GOLGA4: variants seen among roughly 807,000 people sequenced by gnomAD.
GOLGA4 encodes the protein golgin A4, also known as golgin subfamily A member 4.
GOLGA4 carries 169 observed loss-of-function variants against 265.9 expected under a neutral mutation model. That is an observed-to-expected ratio of 0.64 (90% CI 0.56 to 0.72). The LOEUF is 0.72. Ranked by LOEUF, GOLGA4 falls within the 30% of genes least tolerant of loss-of-function variation. GOLGA4 has a pLI of 0.00. For missense variants in GOLGA4, 2,482 were observed against 2,483.4 expected (o/e 1.00, Z 0.01); for synonymous variants, 923 against 855.8 (o/e 1.08, Z -1.37).
chr3:37,259,076 A>G (rs1292362218), intron 2 of GOLGA4, among the ~76,000 whole-genome samples: 2 of 152,174 alleles, frequency 1.3e-5, no homozygotes, highest in South Asian at 4.1e-4. Context: ...AATGTTTGGT[A>G]GAATCTACCA....
intron 2 of GOLGA4, among the ~76,000 whole-genome samples, chr3:37,272,570 A>G (rs1202894311): frequency 1.3e-5 from 2 of 152,166 alleles, no homozygotes; most frequent in Non-Finnish European, 2.9e-5. Context: ...TAGCCACAAT[A>G]TTATTTATCA....
chr3:37,347,183 T>A lies in GOLGA4; in HGVS notation c.6473-10T>A. On this transcript the variant is annotated splice_polypyrimidine_tract_variant and intron_variant, in intron 20 of 23. Transcript: ENST00000361924. ...GTCTTTACAGTTTGATCTATTTTTT[T>A]ATTTGGCAGGTGGCAATTTGTACCA... 6.4e-7 allele frequency: 1 copy of A among 1,553,556 alleles called. No homozygotes were observed. The highest frequency in any genetic ancestry group is 8.9e-7 in the Non-Finnish European group (1 of 1,126,348).
intron 2 of GOLGA4, among the ~76,000 whole-genome samples, chr3:37,264,135 C>T (rs562435051): frequency 6.6e-6 from 1 of 152,274 alleles, no homozygotes; most frequent in Non-Finnish European, 1.5e-5. Flanking sequence ...TTTTTCTGTG[C>T]TGGGCATTAG....
chr3:37,275,056 A>C (rs1022657766), intron 2 of GOLGA4, among the ~76,000 whole-genome samples: 1 of 151,672 alleles, frequency 6.6e-6, no homozygotes, highest in Admixed American at 6.6e-5. Context: ...TACTAAAAAT[A>C]CAAAAAAAAA....
At chr3:37,258,297 T>C (rs1265509261) in intron 2 of GOLGA4, among the ~76,000 whole-genome samples, 1 of 149,154 alleles carries the variant, frequency 6.7e-6, no homozygotes, top group African/African-American at 2.5e-5. Flanking sequence ...ATATAGAGCA[T>C]ATATATATAT....
In GOLGA4 at chr3:37,326,119, G is replaced by A. The variant is rs1337516953; in HGVS notation, c.4233G>A (p.Leu1411=). The A allele has an allele frequency of 1.9e-6, 3 of 1,613,576 alleles. No individual in the cohort carries two copies. The African/African-American group carries it at 4.0e-5, about 22-fold the overall frequency. ...ATGATGAAGAAAAATGTGAATTGCT[G>A]GATCAGGTGCAAGATTTATCTTTTA... ...KQYDEEKCEL[L]DQVQDLSFKV... is the part of the protein sequence containing the mutation. The change falls in exon 14 of 24, where the codon CTG becomes CTA. Residue 1411 remains leucine (L), a synonymous_variant. Transcript: ENST00000361924.
intron 2 of GOLGA4, among the ~76,000 whole-genome samples, chr3:37,278,274 A>G (rs2096824994): frequency 6.6e-6 from 1 of 151,364 alleles, no homozygotes; most frequent in East Asian, 1.9e-4. Context: ...ATCTCAGCTC[A>G]CTGCAACCTC....
intron 21 of GOLGA4, among the ~76,000 whole-genome samples, chr3:37,348,529 A>G (rs1351713885): frequency 6.6e-6 from 1 of 152,146 alleles, no homozygotes; most frequent in African/African-American, 2.4e-5. Flanking sequence ...TGGGACATAC[A>G]CTATCTCACC....
At chr3:37,261,021 T>A (rs1163113842) in intron 2 of GOLGA4, among the ~76,000 whole-genome samples, 1 of 148,256 alleles carries the variant, frequency 6.7e-6, no homozygotes, top group African/African-American at 2.5e-5. Flanking sequence ...AAAAAAAAAA[T>A]TAGCCAGGTG....
In GOLGA4 at chr3:37,319,141, A is replaced by C. The variant is rs867556525; in HGVS notation, c.1492A>C (p.Lys498Gln). 1.2e-6 allele frequency: 2 copies of C among 1,612,066 alleles called. No homozygotes were observed. The highest frequency in any genetic ancestry group is 1.3e-5 in the African/African-American group (1 of 74,864). The change falls in exon 12 of 24, where the codon AAG becomes CAG. Residue 498 changes from lysine to glutamine, a missense_variant. Lys to Gln is a moderately conservative substitution (Grantham distance 53). Around this residue, in one of 3 missense-constraint regions of GOLGA4, gnomAD observed 1,536 missense variants for 1,483.7 expected, o/e 1.04. Coordinates refer to ENST00000361924, the MANE Select transcript of GOLGA4 (RefSeq NM_002078.5). ...GGCCAGAAAAGAGCAGGAACTGACC[A>C]AGAAGCTTCAGACCCGAGAAAGGGA... Reference protein sequence around the residue: ...ELARKEQELTKKLQTREREFQ... With the variant: ...ELARKEQELTQKLQTREREFQ...
chr3:37,353,428 A>G (rs2151063672), intron 21 of GOLGA4, among the ~76,000 whole-genome samples: 1 of 152,232 alleles, frequency 6.6e-6, no homozygotes, highest in South Asian at 2.1e-4. Flanking sequence ...CTTGGTTTCT[A>G]GACTTCAGTT....
chr3:37,284,271 T>TC (rs1403689185), intron 3 of GOLGA4, among the ~76,000 whole-genome samples: 1 of 152,180 alleles, frequency 6.6e-6, no homozygotes, highest in East Asian at 1.9e-4. Context: ...ACACCATTTT[T>TC]CTTTTTTTTG....
chr3:37,290,070 T>C (rs1220287808), intron 5 of GOLGA4, among the ~76,000 whole-genome samples: 2 of 152,214 alleles, frequency 1.3e-5, no homozygotes, highest in African/African-American at 4.8e-5. Context: ...AAAGTAAGTT[T>C]AATGTTTTAG....
At chr3:37,276,071 G>A in intron 2 of GOLGA4, 1 of 1,612,474 alleles carries the variant, frequency 6.2e-7, no homozygotes, top group Non-Finnish European at 8.5e-7. Context: ...AGATACTTAT[G>A]TTTCATCCTT....
chr3:37,343,554 C>A (rs2097046170), intron 20 of GOLGA4, among the ~76,000 whole-genome samples: 1 of 152,176 alleles, frequency 6.6e-6, no homozygotes, highest in Non-Finnish European at 1.5e-5. Context: ...CAAACAGTGC[C>A]CATACATTGC....
chr3:37,258,002 TATAC>T lies in GOLGA4; in HGVS notation c.162+6526_162+6529del, dbSNP rs1220495907. On this transcript the variant is annotated intron_variant, in intron 2 of 23. Coordinates refer to ENST00000361924, the MANE Select transcript of GOLGA4 (RefSeq NM_002078.5). ...ATATATATGTATGTATATATGTATA[TATAC>T]ATACATATATATATGTATGTATATA... 2.6e-4 allele frequency among the ~76,000 whole-genome samples: 20 copies of T among 76,854 alleles called. 2 individuals carry two copies. The highest frequency in any genetic ancestry group is 9.7e-4 in the African/African-American group (14 of 14,428). 50.4% of individuals were successfully genotyped at this position (76,854 alleles called of 152,430 possible). A position where few individuals can be genotyped will look rare whatever the true frequency, so the allele number is the denominator to read the frequency against.
intron 23 of GOLGA4, among the ~76,000 whole-genome samples, chr3:37,363,940 C>T (rs558562324): frequency 3.9e-5 from 6 of 152,064 alleles, no homozygotes; most frequent in East Asian, 1.9e-4. Flanking sequence ...GATCAAGCTA[C>T]GGTTTCAAAA....
intron 1 of GOLGA4, chr3:37,249,684 G>A (rs1314346712): frequency 6.6e-6 from 1 of 152,090 alleles, no homozygotes; most frequent in Admixed American, 6.6e-5. Context: ...TGATTTTTCT[G>A]GTTCATCTTT....
chr3:37,260,529 A>G (rs1325746911), intron 2 of GOLGA4, among the ~76,000 whole-genome samples: 1 of 152,036 alleles, frequency 6.6e-6, no homozygotes, highest in Non-Finnish European at 1.5e-5. Flanking sequence ...CCAGCTACTC[A>G]GGAGGCTGAG....
Sources: allele counts gnomAD v4.1 joint callset (sites outside exome capture counted in the v4.1 genomes callset), GRCh38; gene constraint gnomAD v4.1.1; regional missense constraint gnomAD v4.1.1; transcripts MANE v1.5; gene names NCBI Gene and HGNC (gene_info 2026-07-23, HGNC 2026-07-21).